BCL7A: variants seen among roughly 807,000 people sequenced by gnomAD.
BCL7A encodes B-cell CLL/lymphoma 7 protein family member A.
A neutral mutation model predicts 28.4 loss-of-function variants in BCL7A; 11 were observed. That is an observed-to-expected ratio of 0.39 (90% confidence interval 0.24 to 0.64). The LOEUF (loss-of-function observed/expected upper bound fraction) is 0.64, where lower values mean the gene tolerates loss of function less well. Ranked by LOEUF, BCL7A falls within the 30% of genes least tolerant of loss-of-function variation. The pLI, the probability that BCL7A is intolerant of heterozygous loss-of-function variation, is 0.50. For missense variants in BCL7A, 222 were observed against 274.8 expected, an observed-to-expected ratio of 0.81 and a Z score of 1.36; for synonymous variants, 123 against 103.3, an observed-to-expected ratio of 1.19 and a Z score of -1.15.
intron 3 of BCL7A, among the ~76,000 whole-genome samples, chr12:122,039,431 A>C (rs978291951): frequency 6.8e-6 from 1 of 147,614 alleles, no homozygotes; most frequent in Non-Finnish European, 1.5e-5. Context: ...GGCTGCAGTG[A>C]ACAGTAATTG....
intron 4 of BCL7A, 44 bp downstream of exon 4, chr12:122,044,097 C>T (rs1359108002): frequency 5.7e-6 from 9 of 1,583,138 alleles, no homozygotes; most frequent in Non-Finnish European, 7.7e-6. Context: ...CTCCCTGTAA[C>T]CGGCCTTCAG....
At chr12:122,056,466 G>C (rs1951878916) in intron 5 of BCL7A, among the ~76,000 whole-genome samples, 1 of 152,084 alleles carries the variant, frequency 6.6e-6, no homozygotes, top group Non-Finnish European at 1.5e-5. Context: ...GAGTGACATG[G>C]AGGATGTACT....
intron 3 of BCL7A, among the ~76,000 whole-genome samples, chr12:122,040,748 A>G (rs74670345): frequency 0.015 from 2,238 of 152,102 alleles, 61 homozygotes; most frequent in African/African-American, 0.052. Flanking sequence ...AGTTTTCTGG[A>G]AGGCTTCAAG....
intron 4 of BCL7A, 80 bp from the exon 5 acceptor site, chr12:122,054,724 AG>A: frequency 7.1e-7 from 1 of 1,401,624 alleles, no homozygotes; most frequent in Non-Finnish European, 9.8e-7. Flanking sequence ...ACCCGATTCA[AG>A]GTATTTTCAG....
intron 1 of BCL7A, among the ~76,000 whole-genome samples, chr12:122,023,911 A>T (rs2135835335): frequency 6.6e-6 from 1 of 152,190 alleles, no homozygotes; most frequent in East Asian, 1.9e-4. Flanking sequence ...GGAGGTTGGG[A>T]AACAGCCGGC....
chr12:122,030,476 G>A (rs1249625246), intron 1 of BCL7A, among the ~76,000 whole-genome samples: 8 of 152,212 alleles, frequency 5.3e-5, no homozygotes, highest in African/African-American at 1.4e-4. Flanking sequence ...CCTTTTTGGC[G>A]ACAGCCTGGA....
intron 5 of BCL7A, 89 bp downstream of exon 5, chr12:122,055,015 G>C (rs1477287252): frequency 6.2e-7 from 1 of 1,608,134 alleles, no homozygotes; most frequent in Non-Finnish European, 8.5e-7. Flanking sequence ...TTTCGTCATT[G>C]TGTTTTGTTG....
chr12:122,046,227 G>T lies in BCL7A; in HGVS notation c.439+2174G>T, dbSNP rs755448849. On this transcript the variant is annotated intron_variant, in intron 4 of 5. Transcript: ENST00000261822. ...ACATAGGGGTGAGTGCGGACCTGAG[G>T]GCAACTCTGGGCACCTGGAGGGACA... is the stretch of plus-strand genomic sequence containing the variant. 8.4e-4 allele frequency among the ~76,000 whole-genome samples: 127 copies of T among 152,072 alleles called. 1 individual carries two copies. Among genetic ancestry groups the T allele is most frequent in the Non-Finnish European group, 9.3e-4 (63 of 68,020 alleles).
intron 2 of BCL7A, among the ~76,000 whole-genome samples, chr12:122,034,751 A>G (rs1883815970): frequency 6.6e-6 from 1 of 151,804 alleles, no homozygotes; most frequent in Admixed American, 6.6e-5. Context: ...CAAAAAAAAA[A>G]AAAAGAAAAA....
chr12:122,061,691 G>T lies in BCL7A; in HGVS notation c.*2528G>T, dbSNP rs972127825. Reference sequence around the variant, plus strand: ...CCCCGTGGCCTCAAGGGCTCCCAGGGCAAACCTAATTCCCCCCAAAACGTG... The same window carrying T: ...CCCCGTGGCCTCAAGGGCTCCCAGGTCAAACCTAATTCCCCCCAAAACGTG... On this transcript the variant is annotated 3_prime_UTR_variant, in exon 6 of 6. Coordinates refer to ENST00000261822, the MANE Select transcript of BCL7A (RefSeq NM_001024808.3). 5 of 230,374 alleles carry T rather than the reference G, an allele frequency of 2.2e-5. No homozygotes were observed. The highest frequency in any genetic ancestry group is 5.7e-5 in the Admixed American group (1 of 17,644). 14.3% of individuals were successfully genotyped at this position (230,374 alleles called of 1,614,324 possible).
intron 4 of BCL7A, among the ~76,000 whole-genome samples, chr12:122,053,064 C>T (rs954550298): frequency 2.6e-5 from 4 of 151,732 alleles, no homozygotes; most frequent in Non-Finnish European, 2.9e-5. Flanking sequence ...GGCATGATCT[C>T]GGCTCCCAAT....
chr12:122,049,036 ATAT>A (rs1197100433), intron 4 of BCL7A, among the ~76,000 whole-genome samples: 872 of 38,292 alleles, frequency 0.023, 16 homozygotes, highest in African/African-American at 0.08. Context: ...AAAAAAAAAA[ATAT>A]ATATATATAT....
chr12:122,058,557 G>C (rs758893702), intron 5 of BCL7A, among the ~76,000 whole-genome samples: 1 of 152,166 alleles, frequency 6.6e-6, no homozygotes, highest in Non-Finnish European at 1.5e-5. Flanking sequence ...TACTTGGGAG[G>C]CTGAGGCAGG....
At chr12:122,037,178 C>T (rs1458394413) in intron 3 of BCL7A, among the ~76,000 whole-genome samples, 4 of 152,222 alleles carry the variant, frequency 2.6e-5, no homozygotes, top group South Asian at 4.1e-4. Flanking sequence ...AAGAGTGTGG[C>T]GCCTCCAGGC....
At chr12:122,058,527 C>T (rs1417486841) in intron 5 of BCL7A, among the ~76,000 whole-genome samples, 1 of 152,054 alleles carries the variant, frequency 6.6e-6, no homozygotes. Context: ...GGCATGGTGG[C>T]GCGTGCCTGT....
intron 1 of BCL7A, among the ~76,000 whole-genome samples, chr12:122,023,331 T>C (rs1883519374): frequency 6.6e-6 from 1 of 152,168 alleles, no homozygotes; most frequent in African/African-American, 2.4e-5. Flanking sequence ...CGCGGGCTCG[T>C]CTCGACCCTT....
Position 122,029,178 on chromosome 12 carries a change from G to A in BCL7A, c.93-1522G>A, listed in dbSNP as rs539047035. Among the ~76,000 whole-genome samples, 4 of 152,272 alleles carry A rather than the reference G, an allele frequency of 2.6e-5. No homozygotes were observed. The highest frequency in any genetic ancestry group is 4.1e-4 in the South Asian group (2 of 4,826). On this transcript the variant is annotated intron_variant, in intron 1 of 5. Coordinates refer to ENST00000261822, the MANE Select transcript of BCL7A (RefSeq NM_001024808.3). The surrounding 1 kb of genome is among the most constrained non-coding windows in gnomAD (Gnocchi z 4.3). ...AATGGGGAAGTTGCCATTTCCTGCCGGATGAGCCGGCACAGTCCTTGGTAC... is the reference window on the plus strand; with the variant it reads ...AATGGGGAAGTTGCCATTTCCTGCCAGATGAGCCGGCACAGTCCTTGGTAC...
intron 1 of BCL7A, among the ~76,000 whole-genome samples, chr12:122,024,238 G>C (rs558447688): frequency 1.3e-5 from 2 of 152,322 alleles, no homozygotes; most frequent in South Asian, 2.1e-4. Flanking sequence ...TCATGGTCCA[G>C]CTTCCAGTTC....
chr12:122,053,904 G>C (rs1235979789), intron 4 of BCL7A, among the ~76,000 whole-genome samples: 1 of 152,060 alleles, frequency 6.6e-6, no homozygotes, highest in Non-Finnish European at 1.5e-5. Context: ...CCCCCATTTG[G>C]GAAGAGGAGA....
Sources: gnomAD v4.1 joint callset for allele counts (sites outside exome capture counted in the v4.1 genomes callset) on GRCh38, gnomAD v4.1.1 for gene constraint, Gnocchi (gnomAD v3.1) non-coding constraint, MANE v1.5 for transcripts, NCBI Gene and HGNC (gene_info 2026-07-23, HGNC 2026-07-21) for gene names.